Variants in STK32B observed in about 807,000 individuals in gnomAD.
The protein encoded by STK32B is serine/threonine kinase 32B.
In STK32B, 43 loss-of-function variants were observed where a neutral mutation model predicts 52.6. That is an observed-to-expected ratio of 0.82 (90% confidence interval 0.64 to 1.05). The LOEUF (loss-of-function observed/expected upper bound fraction) is 1.05, where lower values mean the gene tolerates loss of function less well. STK32B is among the 50% of genes least tolerant of loss of function. The probability of loss-of-function intolerance (pLI) is 0.00; values close to 1 mark genes in which losing one functional copy is unlikely to be tolerated. For missense variants in STK32B, 621 were observed against 534.6 expected (o/e 1.16, Z -1.59); for synonymous variants, 238 against 204.3 (o/e 1.17, Z -1.41).
At chr4:5,238,843 T>C (rs1724809469) in intron 3 of STK32B, among the ~76,000 whole-genome samples, 1 of 152,210 alleles carries the variant, frequency 6.6e-6, no homozygotes, top group Non-Finnish European at 1.5e-5. Context: ...CCAGTGTTCC[T>C]GCCCTCAAGG....
chr4:5,451,824 C>A (rs769623942), intron 7 of STK32B, among the ~76,000 whole-genome samples: 1 of 152,228 alleles, frequency 6.6e-6, no homozygotes, highest in Non-Finnish European at 1.5e-5. Context: ...TTGAGAACCA[C>A]TGCCATAGAA....
chr4:5,066,051 A>T (rs1212084583), intron 1 of STK32B, among the ~76,000 whole-genome samples: 1 of 152,124 alleles, frequency 6.6e-6, no homozygotes, highest in African/African-American at 2.4e-5. Flanking sequence ...ACCTTAATTC[A>T]CATTTCTCCT....
chr4:5,234,067 A>G (rs1692248125), intron 3 of STK32B, among the ~76,000 whole-genome samples: 1 of 151,932 alleles, frequency 6.6e-6, no homozygotes, highest in South Asian at 2.1e-4. Context: ...ACCTCATGTG[A>G]TCTGATGAGG....
intron 3 of STK32B, among the ~76,000 whole-genome samples, chr4:5,174,674 G>A (rs545119398): frequency 5.5e-4 from 84 of 152,330 alleles, no homozygotes; most frequent in South Asian, 4.4e-3. Flanking sequence ...GAGATCAGCT[G>A]GTAGGTTGAT....
At position 5,263,035 on chromosome 4, in the gene STK32B, C is replaced by G. The variant is rs188622527; in HGVS notation, c.261-68185C>G. ...CCCAAAAACTTAAGCATCTCTTGCTCATACCTCTGTTTAGCATCTTATTTT... is the reference window on the plus strand; with the variant it reads ...CCCAAAAACTTAAGCATCTCTTGCTGATACCTCTGTTTAGCATCTTATTTT... On this transcript the variant is annotated intron_variant, in intron 3 of 11. Coordinates refer to ENST00000282908, the MANE Select transcript of STK32B (RefSeq NM_018401.3). Among the ~76,000 whole-genome samples, 2 of 150,286 alleles carry G rather than the reference C, an allele frequency of 1.3e-5. 1 individual carries two copies. Among genetic ancestry groups the G allele is most frequent in the Non-Finnish European group, 3.0e-5 (2 of 67,442 alleles).
intron 6 of STK32B, among the ~76,000 whole-genome samples, chr4:5,421,815 C>G (rs1712673678): frequency 6.6e-6 from 1 of 152,202 alleles, no homozygotes; most frequent in African/African-American, 2.4e-5. Context: ...TCAGAAGATT[C>G]ACATGACGTT....
intron 2 of STK32B, among the ~76,000 whole-genome samples, chr4:5,153,456 C>T (rs907264370): frequency 2.0e-5 from 3 of 149,482 alleles, no homozygotes; most frequent in African/African-American, 7.4e-5. Flanking sequence ...TGTGGATGGC[C>T]TTTTTCTTTC....
rs3072775 is a variant in STK32B at position 5,059,052 on chromosome 4, C to CTTTTTTTTTTTTTTTTT, written c.52+7150_52+7166dup. Among the ~76,000 whole-genome samples, 166 of 86,910 alleles carry CTTTTTTTTTTTTTTTTT rather than the reference C, an allele frequency of 1.9e-3. 36 individuals carry two copies. The highest frequency in any genetic ancestry group is 4.3e-3 in the East Asian group (11 of 2,584). 57.0% of individuals were successfully genotyped at this position (86,910 alleles called of 152,430 possible). On this transcript the variant is annotated intron_variant, in intron 1 of 11. Transcript: ENST00000282908. ...AGGCGTGAGCCACCACGCCCAGCTG[C>CTTTTTTTTTTTTTTTTT]TTTTTTTTTTTTTTTTTTTTTTTTT...
At chr4:5,191,200 G>A (rs912414107) in intron 3 of STK32B, among the ~76,000 whole-genome samples, 2 of 152,008 alleles carry the variant, frequency 1.3e-5, no homozygotes, top group African/African-American at 4.8e-5. Flanking sequence ...GGTCACTTGG[G>A]GGCTAATGGG....
intron 1 of STK32B, among the ~76,000 whole-genome samples, chr4:5,097,873 A>G (rs1474137880): frequency 6.6e-6 from 1 of 152,336 alleles, no homozygotes; most frequent in South Asian, 2.1e-4. Context: ...TAATGTGTCT[A>G]CAAGTCAGCT....
At position 5,399,645 on chromosome 4, in the gene STK32B, G is replaced by T. The variant is rs906906436; in HGVS notation, c.472+1401G>T. Among the ~76,000 whole-genome samples the T allele has an allele frequency of 6.6e-6, 1 of 152,198 alleles. No homozygotes were observed. The highest frequency in any genetic ancestry group is 2.4e-5 in the African/African-American group (1 of 41,444). On this transcript the variant is annotated intron_variant, in intron 5 of 11. Coordinates refer to ENST00000282908, the MANE Select transcript of STK32B (RefSeq NM_018401.3). The surrounding 1 kb of genome is among the most constrained non-coding windows in gnomAD (Gnocchi z 5.4). ...TATCTAAAAGTCAGGATCTTCAGAT[G>T]TGGCACTCAGCTGAGCCCCCAGCCA...
rs1369041775 is a variant in STK32B at position 5,400,383 on chromosome 4, C to T, written c.472+2139C>T. On this transcript the variant is annotated intron_variant, in intron 5 of 11. Transcript: ENST00000282908. The surrounding 1 kb of genome is among the most constrained non-coding windows in gnomAD (Gnocchi z 6.1). ...CATCTCGTTCTGCCCCCTTGAGCTC[C>T]TCATCTTTTTCCACCCCCTGCTTGG... 6.6e-6 allele frequency among the ~76,000 whole-genome samples: 1 copy of T among 152,130 alleles called. No homozygotes were observed. Among genetic ancestry groups the T allele is most frequent in the Non-Finnish European group, 1.5e-5 (1 of 68,026 alleles).
At chr4:5,075,906 G>T (rs1289405815) in intron 1 of STK32B, among the ~76,000 whole-genome samples, 4 of 152,120 alleles carry the variant, frequency 2.6e-5, no homozygotes, top group African/African-American at 9.7e-5. Flanking sequence ...GATTGTTTCA[G>T]TCAGTTTTTG....
intron 11 of STK32B, among the ~76,000 whole-genome samples, chr4:5,489,188 A>G (rs569042038): frequency 2.6e-5 from 4 of 152,328 alleles, no homozygotes; most frequent in African/African-American, 7.2e-5. Context: ...ATTCATAGAC[A>G]TTTGTCCAAT....
intron 11 of STK32B, among the ~76,000 whole-genome samples, chr4:5,473,004 C>T (rs574985457): frequency 8.7e-4 from 133 of 152,232 alleles, no homozygotes; most frequent in South Asian, 1.9e-3. Flanking sequence ...CCAGATATTG[C>T]CAAACGTTCC....
chr4:5,474,737 A>G (rs1718106491), intron 11 of STK32B, among the ~76,000 whole-genome samples: 1 of 152,136 alleles, frequency 6.6e-6, no homozygotes, highest in Non-Finnish European at 1.5e-5. Flanking sequence ...TGGGGGAGCT[A>G]CCTGCACCCA....
At chr4:5,413,319 T>G (rs1247917801) in intron 5 of STK32B, among the ~76,000 whole-genome samples, 1 of 152,150 alleles carries the variant, frequency 6.6e-6, no homozygotes, top group Non-Finnish European at 1.5e-5. Flanking sequence ...CAGTCCTAGA[T>G]AGTAAAGGGT....
intron 9 of STK32B, among the ~76,000 whole-genome samples, chr4:5,464,543 T>C (rs1476471615): frequency 1.3e-5 from 2 of 152,038 alleles, no homozygotes; most frequent in African/African-American, 4.8e-5. Flanking sequence ...GAACAATGGG[T>C]GACAATAGAA....
Position 5,470,953 on chromosome 4 carries a change from C to T in STK32B, c.1106+2883C>T, listed in dbSNP as rs371648319. Among the ~76,000 whole-genome samples the T allele has an allele frequency of 1.4e-4, 21 of 152,206 alleles. No individual in the cohort carries two copies. Among genetic ancestry groups the T allele is most frequent in the African/African-American group, 5.1e-4 (21 of 41,456 alleles). On this transcript the variant is annotated intron_variant, in intron 11 of 11. Transcript: ENST00000282908. This position sits in a 1 kb window ranked among gnomAD's most constrained non-coding sequence, Gnocchi z 4.6. ...TCAAGCCAGGCTTGTCGTCATGCTC[C>T]GCCTGGACCACGTCCCCGGTCCCCA...
Sources: allele counts gnomAD v4.1 joint callset (sites outside exome capture counted in the v4.1 genomes callset), GRCh38; gene constraint gnomAD v4.1.1; non-coding constraint Gnocchi (gnomAD v3.1); transcripts MANE v1.5; gene names NCBI Gene and HGNC (gene_info 2026-07-23, HGNC 2026-07-21).